Variants in TNFAIP8L1 observed in about 807,000 individuals in gnomAD.
TNFAIP8L1 encodes TNF alpha induced protein 8 like 1.
For synonymous variants in TNFAIP8L1, 127 were observed against 125.6 expected, an observed-to-expected ratio of 1.01 and a Z score of -0.08; for missense variants, 225 against 266.1, an observed-to-expected ratio of 0.85 and a Z score of 1.08.
intron 1 of TNFAIP8L1, among the ~76,000 whole-genome samples, chr19:4,642,922 G>A (rs973170195): frequency 3.3e-5 from 5 of 152,070 alleles, no homozygotes; most frequent in Non-Finnish European, 5.9e-5. Flanking sequence ...GACAGACGGG[G>A]GGCATGGGGA....
intron 1 of TNFAIP8L1, among the ~76,000 whole-genome samples, chr19:4,647,186 G>A (rs556692846): frequency 5.9e-5 from 9 of 152,288 alleles, no homozygotes; most frequent in East Asian, 5.8e-4. Flanking sequence ...AAACTGTGAC[G>A]TGCAAAACAA....
In TNFAIP8L1 at chr19:4,652,386, A is replaced by T; in HGVS notation, c.517A>T (p.Ile173Phe). Residue 173 changes from isoleucine (I) to phenylalanine (F), a missense_variant, in exon 2 of 2, where the codon ATC becomes TTC. Transcript: ENST00000327473. ...GCCCTACCGCTCCCACCTGCGCAGG[A>T]TCTGCGAGGGCCTGGGCCGGATGCT... The part of the protein sequence containing the change: ...AEPYRSHLRR[I>F]CEGLGRMLDE... 1.3e-6 allele frequency: 2 copies of T among 1,551,954 alleles called. No individual in the cohort carries two copies. Among genetic ancestry groups the T allele is most frequent in the Non-Finnish European group, 8.7e-7 (1 of 1,150,512 alleles).
In TNFAIP8L1 at chr19:4,652,016, C is replaced by G. The variant is rs770272972; in HGVS notation, c.147C>G (p.Phe49Leu). 3 of 1,614,056 alleles carry G rather than the reference C, an allele frequency of 1.9e-6. No individual in the cohort carries two copies. The African/African-American group carries it at 4.0e-5, about 21-fold the overall frequency. Residue 49 changes from phenylalanine (F) to leucine (L), a missense_variant, in exon 2 of 2, where the codon TTC becomes TTG. Coordinates refer to ENST00000327473, the MANE Select transcript of TNFAIP8L1 (RefSeq NM_152362.3). ...LDELYRATRE[F>L]TRSRKEAQKM... is the part of the protein sequence containing the mutation. ...AGCTGTACCGCGCCACCAGGGAGTT[C>G]ACGCGCAGCCGCAAGGAGGCCCAGA...
intron 1 of TNFAIP8L1, among the ~76,000 whole-genome samples, chr19:4,649,072 G>A (rs780659144): frequency 1.3e-5 from 2 of 151,760 alleles, no homozygotes; most frequent in Non-Finnish European, 2.9e-5. Flanking sequence ...TGGGACTACA[G>A]GCGCCCACCA....
chr19:4,650,316 G>A (rs759449573), intron 1 of TNFAIP8L1, among the ~76,000 whole-genome samples: 4 of 151,878 alleles, frequency 2.6e-5, no homozygotes, highest in South Asian at 2.1e-4. Context: ...CCAGGCTTTG[G>A]GGGGTGTATA....
In TNFAIP8L1 at chr19:4,649,215, C is replaced by A. The variant is rs2088339538; in HGVS notation, c.-3-2652C>A. ...AAAGTGCTGGGATTACAGGTGTGAGCCACCGCGCCCGGCCAGCTTTTTTTT... is the reference window on the plus strand; with the variant it reads ...AAAGTGCTGGGATTACAGGTGTGAGACACCGCGCCCGGCCAGCTTTTTTTT... On this transcript the variant is annotated intron_variant, in intron 1 of 1. Coordinates refer to ENST00000327473, the MANE Select transcript of TNFAIP8L1 (RefSeq NM_152362.3). Among the ~76,000 whole-genome samples, 2 of 150,976 alleles carry A rather than the reference C, an allele frequency of 1.3e-5. 1 individual carries two copies. The highest frequency in any genetic ancestry group is 4.2e-4 in the South Asian group (2 of 4,816).
rs2088400295 is a variant in TNFAIP8L1, at chr19:4,654,103, TGAATGA to T, written c.*1678_*1683del. 2 of 152,110 alleles carry T rather than the reference TGAATGA, an allele frequency of 1.3e-5. No homozygotes were observed. Among genetic ancestry groups the T allele is most frequent in the Admixed American group, 1.3e-4 (2 of 15,264 alleles). The allele number at this position is 152,110 out of a possible 1,614,324, so 9.4% of individuals were successfully genotyped here. ...ATCTCAGACTTGCGGCCCAGAGAACTGAATGAGAATAAATGTGCGTGAAGCCCCTCA... is the reference window on the plus strand; with the variant it reads ...ATCTCAGACTTGCGGCCCAGAGAACTGAATAAATGTGCGTGAAGCCCCTCA... On this transcript the variant is annotated 3_prime_UTR_variant, in exon 2 of 2. Coordinates refer to ENST00000327473, the MANE Select transcript of TNFAIP8L1 (RefSeq NM_152362.3).
At chr19:4,651,685 C>T (rs909934412) in intron 1 of TNFAIP8L1, among the ~76,000 whole-genome samples, 182 bp from the exon 2 acceptor site, 4 of 152,216 alleles carry the variant, frequency 2.6e-5, no homozygotes, top group African/African-American at 7.2e-5. Context: ...CGATCTCAGG[C>T]GATCCGCCTG....
In TNFAIP8L1 at chr19:4,652,273, T is replaced by G; in HGVS notation, c.404T>G (p.Leu135Arg). 1 of 1,565,026 alleles carries G rather than the reference T, an allele frequency of 6.4e-7. No homozygotes were observed. The change falls in exon 2 of 2, where the codon CTG (leucine) becomes CGG (arginine). Residue 135 changes from leucine to arginine, a missense_variant. By Grantham distance (102) the Leu-to-Arg change is moderately radical. Coordinates refer to ENST00000327473, the MANE Select transcript of TNFAIP8L1 (RefSeq NM_152362.3). Reference sequence around the variant, plus strand: ...CTGCACCAGGCCGTGGGTCCCCACCTGACCGCCAAGTCCCACGGCCGCATC... The same window carrying G: ...CTGCACCAGGCCGTGGGTCCCCACCGGACCGCCAAGTCCCACGGCCGCATC... ...DLLHQAVGPH[L>R]TAKSHGRINH...
intron 1 of TNFAIP8L1, 79 bp from the exon 2 acceptor site, chr19:4,651,788 G>A: frequency 6.9e-7 from 1 of 1,446,562 alleles, no homozygotes; most frequent in African/African-American, 1.4e-5. Context: ...GGCCCTCTGG[G>A]GTCTGTGGTG....
intron 1 of TNFAIP8L1, among the ~76,000 whole-genome samples, chr19:4,650,457 G>A (rs767056845): frequency 2.0e-5 from 3 of 152,006 alleles, no homozygotes; most frequent in Non-Finnish European, 4.4e-5. Context: ...AGCAGGTAAG[G>A]GCTATGCCCT....
Position 4,645,448 on chromosome 19 carries a change from C to T in TNFAIP8L1, c.-4+5819C>T, listed in dbSNP as rs2088301456. On this transcript the variant is annotated intron_variant, in intron 1 of 1. Transcript: ENST00000327473. The surrounding 1 kb of genome is among the most constrained non-coding windows in gnomAD (Gnocchi z 4.1). ...TACACCAGCTGGGTGTGGTGGCATG[C>T]ACCTGTAGTCCTAGCTACTTGGGAG... 6.6e-6 allele frequency among the ~76,000 whole-genome samples: 1 copy of T among 152,160 alleles called. No homozygotes were observed. The highest frequency in any genetic ancestry group is 6.5e-5 in the Admixed American group (1 of 15,274).
intron 1 of TNFAIP8L1, among the ~76,000 whole-genome samples, chr19:4,649,056 AG>A (rs2145170936): frequency 6.6e-6 from 1 of 151,316 alleles, no homozygotes; most frequent in African/African-American, 2.4e-5. Context: ...CAGCCCCCAA[AG>A]TAGCTGGGAC....
chr19:4,648,054 G>C (rs138909787), intron 1 of TNFAIP8L1, among the ~76,000 whole-genome samples: 3 of 152,198 alleles, frequency 2.0e-5, no homozygotes, highest in Non-Finnish European at 4.4e-5. Context: ...TGCAAAGCAG[G>C]CAACCTGGCC....
intron 1 of TNFAIP8L1, among the ~76,000 whole-genome samples, chr19:4,646,716 C>T (rs944415189): frequency 6.6e-6 from 1 of 151,772 alleles, no homozygotes; most frequent in East Asian, 1.9e-4. Flanking sequence ...CTGCAAGCTC[C>T]GCCTCCCGGG....
rs2088256016 is a variant in TNFAIP8L1, at chr19:4,641,034, C to CT, written c.-4+1405_-4+1406insT. ...CTGGACCCCTGCAGGGAATATGGGG[C>CT]CGGGGGGGGGACTTGAACCCTGCTC... is the stretch of plus-strand genomic sequence containing the variant. On this transcript the variant is annotated intron_variant, in intron 1 of 1. Transcript: ENST00000327473. This position sits in a 1 kb window ranked among gnomAD's most constrained non-coding sequence, Gnocchi z 4.6. 1 of 120,596 alleles carries CT rather than the reference C, an allele frequency of 8.3e-6. No individual in the cohort carries two copies. Among genetic ancestry groups the CT allele is most frequent in the Non-Finnish European group, 1.9e-5 (1 of 53,214 alleles). The allele number at this position is 120,596 out of a possible 1,614,324, so 7.5% of individuals were successfully genotyped here.
intron 1 of TNFAIP8L1, among the ~76,000 whole-genome samples, chr19:4,648,245 G>T (rs1056915064): frequency 6.6e-6 from 1 of 152,246 alleles, no homozygotes; most frequent in Non-Finnish European, 1.5e-5. Flanking sequence ...CGATGGCAGG[G>T]TGCCCTGGCA....
chr19:4,653,952 A>G lies in TNFAIP8L1; in HGVS notation c.*1522A>G, dbSNP rs2088398517. Reference sequence around the variant, plus strand: ...TGGGACTCTGTCTTAGAAAGAAAAAAAAAAGTATTTGGACACAGACATGCA... The same window carrying G: ...TGGGACTCTGTCTTAGAAAGAAAAAGAAAAGTATTTGGACACAGACATGCA... On this transcript the variant is annotated 3_prime_UTR_variant, in exon 2 of 2. Coordinates refer to ENST00000327473, the MANE Select transcript of TNFAIP8L1 (RefSeq NM_152362.3). 1 of 151,990 alleles carries G rather than the reference A, an allele frequency of 6.6e-6. No individual in the cohort carries two copies. Among genetic ancestry groups the G allele is most frequent in the Non-Finnish European group, 1.5e-5 (1 of 68,026 alleles). The allele number at this position is 151,990 out of a possible 1,614,324, so 9.4% of individuals were successfully genotyped here.
At chr19:4,644,788 A>G (rs899522133) in intron 1 of TNFAIP8L1, among the ~76,000 whole-genome samples, 1 of 151,822 alleles carries the variant, frequency 6.6e-6, no homozygotes, top group African/African-American at 2.4e-5. Flanking sequence ...TTTAGTAGAG[A>G]TGGGGTTTCA....
Sources: gnomAD v4.1 joint callset for allele counts (sites outside exome capture counted in the v4.1 genomes callset) on GRCh38, gnomAD v4.1.1 for gene constraint, Gnocchi (gnomAD v3.1) non-coding constraint, MANE v1.5 for transcripts, NCBI Gene and HGNC (gene_info 2026-07-23, HGNC 2026-07-21) for gene names.